The following NR2F1-AS1 variants were observed in gnomAD, a reference collection of about 807,000 sequenced individuals.
NR2F1-AS1 encodes the protein NR2F1 antisense RNA 1.
chr5:93,537,837 T>C (rs1392638007), intron 4 of NR2F1-AS1, among the ~76,000 whole-genome samples: 1 of 152,196 alleles, frequency 6.6e-6, no homozygotes, highest in Non-Finnish European at 1.5e-5. Context: ...TTCAATGTCC[T>C]TCATTATAAG....
chr5:93,443,424 C>A (rs775960796), intron 4 of NR2F1-AS1, among the ~76,000 whole-genome samples: 1 of 151,886 alleles, frequency 6.6e-6, no homozygotes, highest in East Asian at 1.9e-4. Context: ...GTAGCCGATT[C>A]GTTCAAGTGG....
In NR2F1-AS1 at chr5:93,464,881, T is replaced by C. The variant is rs575983819; in HGVS notation, n.639-69339A>G. Among the ~76,000 whole-genome samples the C allele has an allele frequency of 1.2e-3, 190 of 152,326 alleles. 1 individual carries two copies. Among genetic ancestry groups the C allele is most frequent in the African/African-American group, 4.4e-3 (183 of 41,576 alleles). ...TGAGAAATTGCTAGGAAAAGTCACC[T>C]ATTCCATCATGGTTCTGCAGTACTC... On this transcript the variant is annotated intron_variant and non_coding_transcript_variant, in intron 4 of 5. Coordinates refer to ENST00000660523, the Ensembl canonical transcript of NR2F1-AS1.
chr5:93,531,605 T>A (rs1269505209), intron 4 of NR2F1-AS1, among the ~76,000 whole-genome samples: 1 of 152,270 alleles, frequency 6.6e-6, no homozygotes, highest in Non-Finnish European at 1.5e-5. Flanking sequence ...ACTCATACTT[T>A]GTTTTTGAGA....
At chr5:93,481,239 T>C (rs553789364) in intron 4 of NR2F1-AS1, among the ~76,000 whole-genome samples, 1 of 151,940 alleles carries the variant, frequency 6.6e-6, no homozygotes, top group South Asian at 2.1e-4. Flanking sequence ...AGGAAAAAAA[T>C]GGATTTTACA....
At chr5:93,504,878 C>T (rs1751154188) in intron 4 of NR2F1-AS1, among the ~76,000 whole-genome samples, 1 of 152,118 alleles carries the variant, frequency 6.6e-6, no homozygotes, top group African/African-American at 2.4e-5. Context: ...CATCCTGCCC[C>T]TGGTCCCACC....
chr5:93,582,110 CCT>C (rs1753110836), upstream of NR2F1-AS1, among the ~76,000 whole-genome samples: 1 of 135,638 alleles, frequency 7.4e-6, no homozygotes, highest in Non-Finnish European at 1.6e-5. Context: ...TTTCTCTCTC[CCT>C]CTCCGCCTCC....
chr5:93,551,333 T>C (rs1752223362), intron 4 of NR2F1-AS1, among the ~76,000 whole-genome samples: 1 of 152,156 alleles, frequency 6.6e-6, no homozygotes, highest in Non-Finnish European at 1.5e-5. Flanking sequence ...AGCTTCCTTT[T>C]AGTATCTTCA....
At chr5:93,538,813 G>A (rs1176131822) in intron 4 of NR2F1-AS1, among the ~76,000 whole-genome samples, 2 of 152,144 alleles carry the variant, frequency 1.3e-5, no homozygotes, top group African/African-American at 4.8e-5. Flanking sequence ...GTTTAGTGAT[G>A]TTTTTATAAT....
intron 4 of NR2F1-AS1, among the ~76,000 whole-genome samples, chr5:93,442,761 C>T (rs1749601443): frequency 6.6e-6 from 1 of 152,216 alleles, no homozygotes; most frequent in South Asian, 2.1e-4. Context: ...GTCCCTGACC[C>T]CTGAGTAGCC....
chr5:93,470,622 C>T (rs929112182), intron 4 of NR2F1-AS1, among the ~76,000 whole-genome samples: 6 of 151,742 alleles, frequency 4.0e-5, no homozygotes, highest in South Asian at 4.1e-4. Context: ...AATCTCCTAT[C>T]ATGTTTACTT....
intron 4 of NR2F1-AS1, among the ~76,000 whole-genome samples, chr5:93,507,380 G>A (rs1044278412): frequency 2.6e-5 from 4 of 151,428 alleles, no homozygotes; most frequent in South Asian, 2.1e-4. Context: ...GTTTGGAGAC[G>A]AAGTCTCGCT....
chr5:93,415,020 C>T (rs1426273317), intron 4 of NR2F1-AS1, among the ~76,000 whole-genome samples: 3 of 152,148 alleles, frequency 2.0e-5, no homozygotes, highest in Non-Finnish European at 4.4e-5. Context: ...CAGAGGTTAT[C>T]AGATAGAAGT....
intron 4 of NR2F1-AS1, among the ~76,000 whole-genome samples, chr5:93,467,981 A>G (rs1170907894): frequency 1.3e-5 from 2 of 152,242 alleles, no homozygotes; most frequent in Non-Finnish European, 2.9e-5. Context: ...TGCAAAGGAC[A>G]TGAACTCATT....
At chr5:93,521,453 A>C (rs1751499950) in intron 4 of NR2F1-AS1, among the ~76,000 whole-genome samples, 1 of 152,230 alleles carries the variant, frequency 6.6e-6, no homozygotes, top group Non-Finnish European at 1.5e-5. Context: ...AAATATTTGC[A>C]AACTATGTAC....
At chr5:93,427,675 G>T (rs966395376) in intron 4 of NR2F1-AS1, among the ~76,000 whole-genome samples, 1 of 151,928 alleles carries the variant, frequency 6.6e-6, no homozygotes, top group African/African-American at 2.4e-5. Context: ...TAAATTCTTT[G>T]GTCTGTTCAA....
At chr5:93,446,497 G>A (rs1253773367) in intron 4 of NR2F1-AS1, among the ~76,000 whole-genome samples, 5 of 152,078 alleles carry the variant, frequency 3.3e-5, no homozygotes, top group Admixed American at 6.6e-5. Flanking sequence ...CTTATAAGGG[G>A]TGTGAAGGAC....
chr5:93,562,195 A>AAAAAAAGAAAAGAAAAG (rs755007063), intron 2 of NR2F1-AS1, among the ~76,000 whole-genome samples: 5,876 of 134,996 alleles, frequency 0.044, 163 homozygotes, highest in Non-Finnish European at 0.05. Context: ...AAAAAAAAAA[A>AAAAAAAGAAAAGAAAAG]AAAAGAAAAG....
rs1416937121 is a variant in NR2F1-AS1, at chr5:93,556,439, G to A, written n.414-1444C>T. ...ATATAACCACTACTAAAGAGTTTTCGAATCTATCTTCAGAAAAGTTGCCTA... is the reference window on the plus strand; with the variant it reads ...ATATAACCACTACTAAAGAGTTTTCAAATCTATCTTCAGAAAAGTTGCCTA... On this transcript the variant is annotated intron_variant and non_coding_transcript_variant, in intron 2 of 5. Transcript: ENST00000660523. 3.3e-5 allele frequency among the ~76,000 whole-genome samples: 5 copies of A among 152,198 alleles called. No homozygotes were observed. The South Asian group carries it at 8.3e-4, about 25-fold the overall frequency.
chr5:93,481,875 C>A (rs1355375188), intron 4 of NR2F1-AS1, among the ~76,000 whole-genome samples: 1 of 151,890 alleles, frequency 6.6e-6, no homozygotes, highest in East Asian at 1.9e-4. Flanking sequence ...AATGAAAGCA[C>A]AACATACCAA....
Sources: allele counts gnomAD v4.1 joint callset (sites outside exome capture counted in the v4.1 genomes callset), GRCh38; gene constraint gnomAD v4.1.1; transcripts MANE v1.5; gene names NCBI Gene and HGNC (gene_info 2026-07-23, HGNC 2026-07-21).